Variants in NRIP1 observed in about 807,000 individuals in gnomAD.
NRIP1 encodes nuclear receptor-interacting protein 1.
NRIP1 carries 28 observed loss-of-function variants against 75.0 expected under a neutral mutation model. The ratio of observed to expected loss-of-function variants is 0.37; its 90% CI spans 0.28 to 0.51. The LOEUF (loss-of-function observed/expected upper bound fraction) is 0.51, where lower values mean the gene tolerates loss of function less well. Ranked by LOEUF, NRIP1 falls within the 20% of genes least tolerant of loss-of-function variation. NRIP1 has a pLI of 0.92. For synonymous variants in NRIP1, 526 were observed against 487.6 expected, an observed-to-expected ratio of 1.08 and a Z score of -1.04; for missense variants, 1,435 against 1,343.7, an observed-to-expected ratio of 1.07 and a Z score of -1.06.
rs118084603 is a variant in NRIP1 at position 14,974,933 on chromosome 21, C to T, written c.-334-6407G>A. 0.016 allele frequency among the ~76,000 whole-genome samples: 2,449 copies of T among 151,804 alleles called. 242 individuals are homozygous for T. In the East Asian group the frequency reaches 0.28, roughly 17 times the overall value. On this transcript the variant is annotated intron_variant, in intron 3 of 3. Coordinates refer to ENST00000318948, the MANE Select transcript of NRIP1 (RefSeq NM_003489.4). ...GACCAGCCTGGGCAACATGGCGAGA[C>T]CCCATCTTTACAAAAACATTAAAAA...
intron 3 of NRIP1, among the ~76,000 whole-genome samples, chr21:14,979,262 T>G (rs1236401294): frequency 2.6e-5 from 4 of 152,212 alleles, no homozygotes; most frequent in Admixed American, 2.6e-4. Flanking sequence ...GCATAATATT[T>G]TCCAATCTCT....
intron 3 of NRIP1, chr21:14,974,137 T>G (rs2086983817): frequency 6.6e-6 from 1 of 152,134 alleles, no homozygotes; most frequent in African/African-American, 2.4e-5. Flanking sequence ...CAAAACAACT[T>G]CACTGATTTT....
chr21:15,014,962 C>T (rs1006471906), intron 2 of NRIP1, among the ~76,000 whole-genome samples: 3 of 151,898 alleles, frequency 2.0e-5, no homozygotes, highest in African/African-American at 7.3e-5. Context: ...AAAAGATTTA[C>T]ACAACAATGC....
chr21:15,009,712 T>C (rs1398000320), intron 3 of NRIP1, among the ~76,000 whole-genome samples: 1 of 152,154 alleles, frequency 6.6e-6, no homozygotes. Context: ...AGAATAAAAA[T>C]TGCCAGTAAT....
chr21:14,965,019 A>T lies in NRIP1; in HGVS notation c.3174T>A (p.Ser1058=). Residue 1058 remains serine (S), a synonymous_variant, in exon 4 of 4, where the codon TCT becomes TCA. Coordinates refer to ENST00000318948, the MANE Select transcript of NRIP1 (RefSeq NM_003489.4). ...TTGGGTTGGTTTTGGTCAATCTTGGAGAGTCTTTTTCATACTCATTCTTCT... is the reference window on the plus strand; with the variant it reads ...TTGGGTTGGTTTTGGTCAATCTTGGTGAGTCTTTTTCATACTCATTCTTCT... ...DAEKNEYEKD[S]PRLTKTNPIL... The T allele has an allele frequency of 1.9e-6, 3 of 1,613,950 alleles. No homozygotes were observed. Among genetic ancestry groups the T allele is most frequent in the Non-Finnish European group, 2.5e-6 (3 of 1,179,912 alleles).
chr21:15,045,438 A>C (rs184166674), intron 1 of NRIP1, among the ~76,000 whole-genome samples: 1 of 152,344 alleles, frequency 6.6e-6, no homozygotes, highest in East Asian at 1.9e-4. Context: ...CAAAAGCTTT[A>C]TGTCGAAACA....
chr21:15,031,557 T>C (rs866593434), intron 2 of NRIP1, among the ~76,000 whole-genome samples: 6 of 145,296 alleles, frequency 4.1e-5, no homozygotes, highest in Non-Finnish European at 3.0e-5. Context: ...GTTCACCACA[T>C]TCCCTTTCTA....
At chr21:14,982,709 T>G (rs558956679) in intron 3 of NRIP1, among the ~76,000 whole-genome samples, 1,327 of 62,610 alleles carry the variant, frequency 0.021, 19 homozygotes, top group African/African-American at 0.13. Flanking sequence ...TTTTTTTTTG[T>G]TTTTTTTTTG....
At chr21:15,008,742 A>C (rs565289385) in intron 3 of NRIP1, among the ~76,000 whole-genome samples, 2 of 152,360 alleles carry the variant, frequency 1.3e-5, no homozygotes, top group South Asian at 4.1e-4. Context: ...GCCATAATAC[A>C]GCAGTCCTCA....
Position 14,967,604 on chromosome 21 carries a change from G to C in NRIP1, c.589C>G (p.Gln197Glu). 1 of 1,613,808 alleles carries C rather than the reference G, an allele frequency of 6.2e-7. No homozygotes were observed. The highest frequency in any genetic ancestry group is 8.5e-7 in the Non-Finnish European group (1 of 1,179,940). The change falls in exon 4 of 4, where the codon CAA becomes GAA. Residue 197 changes from glutamine to glutamate, a missense_variant. Physicochemically the swap from Gln to Glu is conservative, Grantham distance 29. Coordinates refer to ENST00000318948, the MANE Select transcript of NRIP1 (RefSeq NM_003489.4). ...TLLKKSKVKD[Q>E]KPDTNLPDVT... ...TCAGGAAGATTCGTATCAGGCTTTT[G>C]ATCTTTAACTTTACTTTTCTTCAAC...
intron 1 of NRIP1, among the ~76,000 whole-genome samples, chr21:15,057,588 G>A (rs1654080625): frequency 6.6e-6 from 1 of 152,194 alleles, no homozygotes; most frequent in African/African-American, 2.4e-5. Flanking sequence ...TATGAGGCTT[G>A]CAAATGCTGC....
chr21:14,965,729 A>G lies in NRIP1; in HGVS notation c.2464T>C (p.Leu822=). Residue 822 remains leucine (L), a synonymous_variant, in exon 4 of 4, where the codon TTG becomes CTG. Transcript: ENST00000318948. ...TAACTATCTTGATTTTGTCTTAGCA[A>G]TCGACTTAGCAGACCATTCTTGGAG... is the stretch of plus-strand genomic sequence containing the variant. ...SFSKNGLLSR[L]LRQNQDSYLA... The G allele has an allele frequency of 6.2e-7, 1 of 1,613,950 alleles. No individual in the cohort carries two copies. The highest frequency in any genetic ancestry group is 8.5e-7 in the Non-Finnish European group (1 of 1,179,976).
At chr21:15,016,603 G>A (rs1352547124) in intron 2 of NRIP1, among the ~76,000 whole-genome samples, 1 of 152,060 alleles carries the variant, frequency 6.6e-6, no homozygotes, top group African/African-American at 2.4e-5. Flanking sequence ...TGAGAATGCT[G>A]GCCGGGCGCA....
chr21:15,040,783 A>C (rs1349214453), intron 2 of NRIP1, among the ~76,000 whole-genome samples: 1 of 152,096 alleles, frequency 6.6e-6, no homozygotes, highest in Non-Finnish European at 1.5e-5. Flanking sequence ...AAAATAGGTA[A>C]CTTATTTTTT....
Position 14,967,291 on chromosome 21 carries a change from A to G in NRIP1, c.902T>C (p.Met301Thr). 2 of 1,614,050 alleles carry G rather than the reference A, an allele frequency of 1.2e-6. No homozygotes were observed. The highest frequency in any genetic ancestry group is 1.7e-6 in the Non-Finnish European group (2 of 1,179,984). The change falls in exon 4 of 4, where the codon ATG (methionine) becomes ACG (threonine). Residue 301 changes from methionine (M) to threonine (T), a missense_variant. Coordinates refer to ENST00000318948, the MANE Select transcript of NRIP1 (RefSeq NM_003489.4). Reference protein sequence around the residue: ...NQAASERLAAMARLQENGQKD... With the variant: ...NQAASERLAATARLQENGQKD... ...CTGGCCATTTTCTTGCAATCTGGCC[A>G]TAGCAGCAAGTCTTTCACTTGCTGC...
chr21:15,011,929 T>C (rs1461788025), intron 3 of NRIP1, among the ~76,000 whole-genome samples: 1 of 152,224 alleles, frequency 6.6e-6, no homozygotes, highest in African/African-American at 2.4e-5. Flanking sequence ...AAACATGGCC[T>C]AAGACACTGA....
chr21:15,007,640 T>C (rs1006804626), intron 3 of NRIP1, among the ~76,000 whole-genome samples: 1 of 152,212 alleles, frequency 6.6e-6, no homozygotes, highest in Non-Finnish European at 1.5e-5. Context: ...GCTAAGACAG[T>C]GACATGTACC....
At chr21:14,971,958 G>A (rs894037396) in intron 3 of NRIP1, among the ~76,000 whole-genome samples, 1 of 152,064 alleles carries the variant, frequency 6.6e-6, no homozygotes, top group Non-Finnish European at 1.5e-5. Flanking sequence ...CCTATAAAAC[G>A]TACCAATTAC....
At chr21:15,058,169 T>C (rs2089346155) in intron 1 of NRIP1, among the ~76,000 whole-genome samples, 1 of 152,150 alleles carries the variant, frequency 6.6e-6, no homozygotes, top group Admixed American at 6.5e-5. Flanking sequence ...ATCTGTATCA[T>C]CTTGATTTAG....
Sources: allele counts gnomAD v4.1 joint callset (sites outside exome capture counted in the v4.1 genomes callset), GRCh38; gene constraint gnomAD v4.1.1; transcripts MANE v1.5; gene names NCBI Gene and HGNC (gene_info 2026-07-23, HGNC 2026-07-21).